RTTN: variants seen among roughly 807,000 people sequenced by gnomAD.
The protein encoded by RTTN is rotatin.
RTTN carries 182 observed loss-of-function variants against 269.2 expected under a neutral mutation model. That is an observed-to-expected ratio of 0.68 (90% CI 0.60 to 0.76). The LOEUF is 0.76. RTTN is among the 30% of genes least tolerant of loss of function. RTTN has a pLI of 0.00. For missense variants in RTTN, 2,545 were observed against 2,608.6 expected (o/e 0.98, Z 0.53); for synonymous variants, 1,006 against 963.5 (o/e 1.04, Z -0.82).
At chr18:70,153,035 A>G (rs953767319) in intron 14 of RTTN, among the ~76,000 whole-genome samples, 3 of 152,140 alleles carry the variant, frequency 2.0e-5, no homozygotes, top group African/African-American at 7.2e-5. Flanking sequence ...TGAAACACGC[A>G]AAGTACATTC....
At chr18:70,110,701 C>T (rs1378699191) in intron 27 of RTTN, among the ~76,000 whole-genome samples, 1 of 152,158 alleles carries the variant, frequency 6.6e-6, no homozygotes, top group Non-Finnish European at 1.5e-5. Context: ...GGAACAGCAG[C>T]GAGACAGAAG....
chr18:70,024,139 G>A (rs73466748), intron 44 of RTTN, among the ~76,000 whole-genome samples: 11 of 152,240 alleles, frequency 7.2e-5, no homozygotes, highest in African/African-American at 2.6e-4. Flanking sequence ...AACTGCCAAT[G>A]TCATCCTGTT....
At chr18:70,052,436 A>G (rs892337808) in intron 38 of RTTN, among the ~76,000 whole-genome samples, 3 of 152,180 alleles carry the variant, frequency 2.0e-5, no homozygotes, top group Non-Finnish European at 2.9e-5. Context: ...CATATACTGT[A>G]TATCTCTTTA....
At chr18:70,108,409 C>A (rs1007819720) in intron 28 of RTTN, among the ~76,000 whole-genome samples, 3 of 151,996 alleles carry the variant, frequency 2.0e-5, no homozygotes, top group Non-Finnish European at 4.4e-5. Context: ...ATCAGCTATT[C>A]CAAAAAAGAA....
intron 21 of RTTN, chr18:70,138,919 A>C (rs1599733255): frequency 6.6e-6 from 1 of 151,852 alleles, no homozygotes; most frequent in East Asian, 1.9e-4. Flanking sequence ...ATTCTACATG[A>C]CTCTTGCAAA....
chr18:70,193,196 A>AAT, intron 8 of RTTN, 92 bp downstream of exon 8: 2 of 1,139,112 alleles, frequency 1.8e-6, no homozygotes, highest in Non-Finnish European at 2.4e-6. Flanking sequence ...AAAAAAAAAA[A>AAT]GGACAGAAAA....
At chr18:70,023,435 C>T (rs1040498271) in intron 44 of RTTN, among the ~76,000 whole-genome samples, 1 of 152,210 alleles carries the variant, frequency 6.6e-6, no homozygotes, top group Non-Finnish European at 1.5e-5. Context: ...CTTGAGTGAA[C>T]ATCAACACCT....
chr18:70,104,967 T>G (rs902889018), intron 28 of RTTN, among the ~76,000 whole-genome samples: 2 of 152,216 alleles, frequency 1.3e-5, no homozygotes, highest in African/African-American at 4.8e-5. Flanking sequence ...GAGGAGGCTG[T>G]CTGTCTGTTC....
chr18:70,159,845 A>G (rs1044435584), intron 14 of RTTN, among the ~76,000 whole-genome samples: 6 of 152,174 alleles, frequency 3.9e-5, no homozygotes, highest in African/African-American at 1.4e-4. Context: ...ATTTCTGGAA[A>G]TATACAAACT....
intron 11 of RTTN, among the ~76,000 whole-genome samples, chr18:70,170,776 C>T (rs770633037): frequency 1.4e-4 from 22 of 152,154 alleles, no homozygotes; most frequent in Admixed American, 1.3e-4. Flanking sequence ...AGACAGAGGA[C>T]TTTACTGCAG....
chr18:70,025,822 G>C (rs1274850182), intron 43 of RTTN, among the ~76,000 whole-genome samples: 1 of 152,190 alleles, frequency 6.6e-6, no homozygotes, highest in Non-Finnish European at 1.5e-5. Context: ...ACAAAGAGGT[G>C]TTCCACTTCT....
intron 25 of RTTN, 119 bp from the exon 26 acceptor site, chr18:70,121,819 GT>G (rs1364340536): frequency 5.3e-6 from 5 of 944,816 alleles, no homozygotes; most frequent in Non-Finnish European, 7.5e-6. Flanking sequence ...ATGAGACACT[GT>G]TTTAAATGCT....
chr18:70,060,121 G>GAT, intron 35 of RTTN, 79 bp from the exon 36 acceptor site: 1 of 1,193,714 alleles, frequency 8.4e-7, no homozygotes, highest in Non-Finnish European at 1.1e-6. Context: ...ATAATCATAG[G>GAT]AAAGTTCCTG....
Position 70,017,562 on chromosome 18 carries a change from T to A in RTTN, c.6266A>T (p.Glu2089Val). Residue 2089 changes from glutamate (E) to valine (V), a missense_variant, in exon 46 of 49, where the codon GAA (glutamate) becomes GTA (valine). By Grantham distance (121) the Glu-to-Val change is moderately radical (BLOSUM62 -2). Coordinates refer to ENST00000640769, the MANE Select transcript of RTTN (RefSeq NM_173630.4). ...CCTCAGAATCATTTGTTGCCCATCTTCTCCAGATGATATATTCAGGAGTAA... is the reference window on the plus strand; with the variant it reads ...CCTCAGAATCATTTGTTGCCCATCTACTCCAGATGATATATTCAGGAGTAA... ...LKLLLNISSG[E>V]DGQQMILRLD... 1 of 1,614,000 alleles carries A rather than the reference T, an allele frequency of 6.2e-7. No individual in the cohort carries two copies. The highest frequency in any genetic ancestry group is 2.2e-5 in the East Asian group (1 of 44,852).
chr18:70,180,541 C>T (rs1425431592), intron 10 of RTTN, among the ~76,000 whole-genome samples: 3 of 149,210 alleles, frequency 2.0e-5, no homozygotes, highest in Non-Finnish European at 4.4e-5. Flanking sequence ...AAGATCACGC[C>T]ACTGCCCTCC....
chr18:70,197,676 A>G lies in RTTN; in HGVS notation c.641T>C (p.Ile214Thr), dbSNP rs185954405. The G allele has an allele frequency of 6.2e-7, 1 of 1,614,048 alleles. No individual in the cohort carries two copies. Among genetic ancestry groups the G allele is most frequent in the East Asian group, 2.2e-5 (1 of 44,866 alleles). The change falls in exon 6 of 49, where the codon ATC becomes ACC. Residue 214 changes from isoleucine (I) to threonine (T), a missense_variant. Physicochemically the swap from Ile to Thr is moderately conservative, Grantham distance 89. Transcript: ENST00000640769. ...WNTCELLKDVIMQDFPAEIFL... is the reference protein window; with the variant it reads ...WNTCELLKDVTMQDFPAEIFL... ...AATCTCAGCAGGAAAATCTTGCATG[A>G]TAACATCCTTCAATAGTTCACAGGT...
intron 10 of RTTN, among the ~76,000 whole-genome samples, chr18:70,184,024 T>C (rs2061477128): frequency 6.6e-6 from 1 of 152,092 alleles, no homozygotes; most frequent in South Asian, 2.1e-4. Context: ...CATGCTGGCC[T>C]CCCAAAGTGC....
At chr18:70,096,686 G>A (rs2059012739) in intron 28 of RTTN, among the ~76,000 whole-genome samples, 2 of 152,188 alleles carry the variant, frequency 1.3e-5, no homozygotes, top group South Asian at 4.1e-4. Flanking sequence ...TCCCAGAGGG[G>A]CATTGCCAGA....
intron 44 of RTTN, among the ~76,000 whole-genome samples, chr18:70,023,452 TAAC>T (rs1568254414): frequency 6.6e-6 from 1 of 152,188 alleles, no homozygotes; most frequent in African/African-American, 2.4e-5. Flanking sequence ...ACCTTAGACT[TAAC>T]AAGACCAAAC....
Sources: gnomAD v4.1 joint callset for allele counts (sites outside exome capture counted in the v4.1 genomes callset) on GRCh38, gnomAD v4.1.1 for gene constraint, MANE v1.5 for transcripts, NCBI Gene and HGNC (gene_info 2026-07-23, HGNC 2026-07-21) for gene names.